Variants in ECHDC1 observed in about 807,000 individuals in gnomAD.
ECHDC1 encodes ethylmalonyl-CoA decarboxylase.
A neutral mutation model predicts 29.7 loss-of-function variants in ECHDC1; 29 were observed. That is an observed-to-expected ratio of 0.98 (90% CI 0.73 to 1.33). ECHDC1 has a LOEUF of 1.33. Ranked by LOEUF, ECHDC1 falls within the 40% of genes most tolerant of loss-of-function variation. The pLI, the probability that ECHDC1 is intolerant of heterozygous loss-of-function variation, is 0.00. For synonymous variants in ECHDC1, 126 were observed against 123.1 expected (o/e 1.02, Z -0.15); for missense variants, 328 against 350.0 (o/e 0.94, Z 0.50).
chr6:127,328,756 G>C (rs1207355782), intron 2 of ECHDC1, among the ~76,000 whole-genome samples: 2 of 152,214 alleles, frequency 1.3e-5, no homozygotes, highest in African/African-American at 2.4e-5. Context: ...GCCGGGTGCA[G>C]TGGCTCACGC....
At chr6:127,302,242 A>G (rs1352048053) in intron 5 of ECHDC1, among the ~76,000 whole-genome samples, 1 of 152,182 alleles carries the variant, frequency 6.6e-6, no homozygotes, top group Non-Finnish European at 1.5e-5. Context: ...AATCAATATG[A>G]AGAATAGTAC....
intron 5 of ECHDC1, among the ~76,000 whole-genome samples, chr6:127,301,211 G>A (rs1375995466): frequency 6.6e-6 from 1 of 152,214 alleles, no homozygotes; most frequent in Non-Finnish European, 1.5e-5. Flanking sequence ...GTAGAACTGA[G>A]TGTTTCCGAC....
At chr6:127,300,196 T>C (rs1780948263) in intron 5 of ECHDC1, among the ~76,000 whole-genome samples, 2 of 152,162 alleles carry the variant, frequency 1.3e-5, no homozygotes, top group Non-Finnish European at 2.9e-5. Flanking sequence ...AAAATAAAAA[T>C]ACAGTTTACA....
chr6:127,316,183 A>G (rs895772644), intron 4 of ECHDC1: 76 of 458,790 alleles, frequency 1.7e-4, no homozygotes, highest in African/African-American at 1.4e-3. Context: ...ATCTATTCCT[A>G]AATACAGCTA....
chr6:127,313,588 GAAACTGAGACAAAAAGTT>G (rs1244769822), intron 5 of ECHDC1: 1 of 455,990 alleles, frequency 2.2e-6, no homozygotes. Flanking sequence ...TTCAGTGTCT[GAAACTGAGACAAAAAGTT>G]TACTAGAAGT....
chr6:127,292,711 A>C lies in ECHDC1; in HGVS notation c.498-2434T>G, dbSNP rs918723647. ...GAAGGACATTATTATATTAACAACAAGATATATCCCAAAATAGTTTCCTGA... is the reference window on the plus strand; with the variant it reads ...GAAGGACATTATTATATTAACAACACGATATATCCCAAAATAGTTTCCTGA... On this transcript the variant is annotated intron_variant, in intron 5 of 5. Coordinates refer to ENST00000454859, the MANE Select transcript of ECHDC1 (RefSeq NM_001002030.2). 3.9e-5 allele frequency among the ~76,000 whole-genome samples: 6 copies of C among 152,168 alleles called. No individual in the cohort carries two copies. The South Asian group carries it at 1.2e-3, about 32-fold the overall frequency.
chr6:127,297,083 T>C (rs1047750746), intron 5 of ECHDC1, among the ~76,000 whole-genome samples: 4 of 152,114 alleles, frequency 2.6e-5, no homozygotes, highest in Non-Finnish European at 5.9e-5. Flanking sequence ...ACCCATGAAA[T>C]TGGCAAATTC....
intron 5 of ECHDC1, among the ~76,000 whole-genome samples, chr6:127,311,827 C>G (rs917566174): frequency 6.9e-6 from 1 of 144,974 alleles, no homozygotes; most frequent in Non-Finnish European, 1.5e-5. Flanking sequence ...ATGAAAAAAA[C>G]TGAATGAGGT....
intron 3 of ECHDC1, among the ~76,000 whole-genome samples, chr6:127,318,602 T>C (rs1238991840): frequency 6.6e-6 from 1 of 152,190 alleles, no homozygotes; most frequent in Non-Finnish European, 1.5e-5. Flanking sequence ...ATTATTCATT[T>C]CAATTGGGAT....
intron 3 of ECHDC1, among the ~76,000 whole-genome samples, chr6:127,320,597 T>C (rs2114640980): frequency 6.6e-6 from 1 of 152,364 alleles, no homozygotes; most frequent in South Asian, 2.1e-4. Context: ...CTGAAGCTTA[T>C]AACTGCACTT....
intron 1 of ECHDC1, among the ~76,000 whole-genome samples, chr6:127,333,669 A>ACACACACG (rs1784171663): frequency 2.3e-5 from 1 of 44,288 alleles, no homozygotes; most frequent in African/African-American, 1.3e-4. Context: ...TTTCTCTTAC[A>ACACACACG]CACACACACA....
intron 2 of ECHDC1, among the ~76,000 whole-genome samples, chr6:127,329,296 C>CCT (rs1783687369): frequency 1.3e-5 from 2 of 152,088 alleles, no homozygotes; most frequent in South Asian, 4.1e-4. Flanking sequence ...GCTCATTCAT[C>CCT]CTCTCCCAAT....
intron 1 of ECHDC1, among the ~76,000 whole-genome samples, 192 bp from the exon 2 acceptor site, chr6:127,331,222 T>C (rs1284450564): frequency 2.0e-5 from 3 of 151,490 alleles, no homozygotes; most frequent in African/African-American, 4.9e-5. Flanking sequence ...CTCAGCTCAC[T>C]GAAACCTCTG....
chr6:127,323,265 C>G (rs1343168759), intron 3 of ECHDC1, among the ~76,000 whole-genome samples: 1 of 151,946 alleles, frequency 6.6e-6, no homozygotes, highest in African/African-American at 2.4e-5. Context: ...AAGGGATACT[C>G]AACCCGTATA....
chr6:127,311,704 G>GAAAA (rs1554240541), intron 5 of ECHDC1, among the ~76,000 whole-genome samples: 22 of 44,180 alleles, frequency 5.0e-4, no homozygotes, highest in South Asian at 2.3e-3. Flanking sequence ...AAAAAGAAAA[G>GAAAA]AAAAAAGAAA....
At chr6:127,300,116 A>G (rs1461753666) in intron 5 of ECHDC1, among the ~76,000 whole-genome samples, 1 of 152,210 alleles carries the variant, frequency 6.6e-6, no homozygotes. Flanking sequence ...TGTTCCTATC[A>G]TTAAGCAATA....
chr6:127,328,093 A>G (rs1048986192), intron 2 of ECHDC1, among the ~76,000 whole-genome samples: 1 of 152,246 alleles, frequency 6.6e-6, no homozygotes, highest in Non-Finnish European at 1.5e-5. Flanking sequence ...AAATCCCACA[A>G]TGTCAAGAAC....
At chr6:127,300,761 A>C (rs1780993903) in intron 5 of ECHDC1, among the ~76,000 whole-genome samples, 1 of 152,220 alleles carries the variant, frequency 6.6e-6, no homozygotes, top group African/African-American at 2.4e-5. Flanking sequence ...AGCCCACTGC[A>C]ACTGACACTT....
intron 5 of ECHDC1, among the ~76,000 whole-genome samples, chr6:127,291,476 C>A (rs1780177459): frequency 6.6e-6 from 1 of 151,874 alleles, no homozygotes; most frequent in Admixed American, 6.6e-5. Flanking sequence ...GGTTCATTTT[C>A]CCCAGTCATG....
Sources: allele counts gnomAD v4.1 joint callset (sites outside exome capture counted in the v4.1 genomes callset), GRCh38; gene constraint gnomAD v4.1.1; transcripts MANE v1.5; gene names NCBI Gene and HGNC (gene_info 2026-07-23, HGNC 2026-07-21).